Variants in CATSPERD observed in about 807,000 individuals in gnomAD.
The protein encoded by CATSPERD is cation channel sperm-associated auxiliary subunit delta.
In CATSPERD, 86 loss-of-function variants were observed where a neutral mutation model predicts 98.1. The observed-to-expected ratio is 0.88, with a 90% CI of 0.74 to 1.05. The LOEUF (loss-of-function observed/expected upper bound fraction) is 1.05. CATSPERD is among the 50% of genes least tolerant of loss of function. The pLI, the probability that CATSPERD is intolerant of heterozygous loss-of-function variation, is 0.00. For missense variants in CATSPERD, 995 were observed against 1,005.7 expected (o/e 0.99, Z 0.14); for synonymous variants, 394 against 390.2 (o/e 1.01, Z -0.12).
In CATSPERD at chr19:5,749,108, T is replaced by C. The variant is rs200979286; in HGVS notation, c.912T>C (p.Asn304=). The change falls in exon 11 of 22, where the codon AAT becomes AAC. Residue 304 remains asparagine (N), a synonymous_variant. Transcript: ENST00000381624. ...TTGTTTTGTTTTTCCCAGCTGAAAATGAACTGGCAGTTATAACTCGGGAGG... is the reference window on the plus strand; with the variant it reads ...TTGTTTTGTTTTTCCCAGCTGAAAACGAACTGGCAGTTATAACTCGGGAGG... ...ITIHNIAVTE[N]ELAVITREDN... 3.7e-4 allele frequency: 590 copies of C among 1,611,814 alleles called. No homozygotes were observed. The highest frequency in any genetic ancestry group is 4.7e-4 in the Non-Finnish European group (555 of 1,179,096).
intron 11 of CATSPERD, among the ~76,000 whole-genome samples, chr19:5,751,389 C>T (rs561677861): frequency 6.7e-5 from 10 of 149,110 alleles, no homozygotes; most frequent in South Asian, 6.4e-4. Context: ...AAAAATTAGC[C>T]GGGTGTGGTG....
chr19:5,724,697 C>T, intron 1 of CATSPERD, 111 bp from the exon 2 acceptor site: 4 of 1,077,852 alleles, frequency 3.7e-6, no homozygotes, highest in Non-Finnish European at 5.7e-6. Context: ...AGACTCCGTC[C>T]CCCCCAAAAA....
At chr19:5,755,347 T>C (rs1454783110) in intron 13 of CATSPERD, among the ~76,000 whole-genome samples, 1 of 152,158 alleles carries the variant, frequency 6.6e-6, no homozygotes, top group Non-Finnish European at 1.5e-5. Flanking sequence ...ATACTCAGAC[T>C]ATTGAGTATT....
At chr19:5,738,511 A>G (rs971744030) in intron 6 of CATSPERD, among the ~76,000 whole-genome samples, 12 of 152,130 alleles carry the variant, frequency 7.9e-5, no homozygotes, top group Non-Finnish European at 1.2e-4. Flanking sequence ...GGCTGGGGCA[A>G]TAGAGCCAGA....
chr19:5,721,860 G>A (rs1236077535), intron 1 of CATSPERD, among the ~76,000 whole-genome samples: 1 of 151,862 alleles, frequency 6.6e-6, no homozygotes, highest in East Asian at 1.9e-4. Context: ...TTGGTGGCAG[G>A]TGCCTGTAAT....
chr19:5,743,654 C>CTG (rs1568351979), intron 7 of CATSPERD, among the ~76,000 whole-genome samples: 1 of 145,226 alleles, frequency 6.9e-6, no homozygotes, highest in East Asian at 2.0e-4. Context: ...CTCTGTCTCT[C>CTG]TCTCTCTCTC....
chr19:5,760,393 G>A (rs1484816712), intron 15 of CATSPERD, among the ~76,000 whole-genome samples: 10 of 97,972 alleles, frequency 1.0e-4, no homozygotes, highest in Non-Finnish European at 2.6e-4. Context: ...AGCAAAACTC[G>A]TTCTCAAAAA....
chr19:5,749,371 A>T (rs1474709578), intron 11 of CATSPERD, among the ~76,000 whole-genome samples, 188 bp downstream of exon 11: 1 of 152,098 alleles, frequency 6.6e-6, no homozygotes, highest in East Asian at 1.9e-4. Flanking sequence ...GGGCACCTGT[A>T]ATTCCAGTTA....
rs1469568999 is a variant in CATSPERD at position 5,759,091 on chromosome 19, T to C, written c.1374T>C (p.Ile458=). 6.2e-7 allele frequency: 1 copy of C among 1,613,764 alleles called. No homozygotes were observed. The highest frequency in any genetic ancestry group is 2.2e-5 in the East Asian group (1 of 44,876). ...TTTCTCTCTTGACCCCACAGGATAT[T>C]TTCCTAAAACAGCAGCAGCACTGGG... ...SDGNTKYKLD[I]FLKQQQHWGR... is the part of the protein sequence containing the mutation. The change falls in exon 15 of 22, where the codon ATT becomes ATC. Residue 458 remains isoleucine, a synonymous_variant. Coordinates refer to ENST00000381624, the MANE Select transcript of CATSPERD (RefSeq NM_152784.4).
intron 18 of CATSPERD, among the ~76,000 whole-genome samples, chr19:5,770,687 G>A (rs1408817991): frequency 6.6e-6 from 1 of 152,022 alleles, no homozygotes; most frequent in East Asian, 1.9e-4. Context: ...AGGCTGAGGT[G>A]AGAGGATTGC....
In CATSPERD at chr19:5,737,160, T is replaced by A; in HGVS notation, c.414T>A (p.His138Gln). 1 of 1,608,072 alleles carries A rather than the reference T, an allele frequency of 6.2e-7. No individual in the cohort carries two copies. Among genetic ancestry groups the A allele is most frequent in the Non-Finnish European group, 8.5e-7 (1 of 1,174,572 alleles). ...MSLGIKHPVTHVSGDNCCYTG... is the reference protein window; with the variant it reads ...MSLGIKHPVTQVSGDNCCYTG... ...CAGGTATAAAACACCCTGTTACACA[T>A]GTCTCTGGTGATAATTGTTGTTATA... Residue 138 changes from histidine (H) to glutamine (Q), a missense_variant, in exon 6 of 22, where the codon CAT becomes CAA. Physicochemically the swap from His to Gln is conservative, Grantham distance 24. Around this residue, in one of 3 missense-constraint regions of CATSPERD, gnomAD observed 228 missense variants for 209.6 expected, o/e 1.09. Transcript: ENST00000381624.
At chr19:5,775,688 AGAGCAG>A (rs2056730341) in intron 20 of CATSPERD, among the ~76,000 whole-genome samples, 1 of 151,568 alleles carries the variant, frequency 6.6e-6, no homozygotes, top group Non-Finnish European at 1.5e-5. Context: ...AAAGAAAGAA[AGAGCAG>A]GGAGGAGCAG....
At position 5,768,345 on chromosome 19, in the gene CATSPERD, TTATTA is replaced by T; in HGVS notation, c.1634+105_1634+109del. The T allele has an allele frequency of 7.5e-6, 5 of 670,874 alleles. No individual in the cohort carries two copies. The African/African-American group carries it at 7.8e-5, about 10-fold the overall frequency. 41.6% of individuals were successfully genotyped at this position (670,874 alleles called of 1,614,324 possible). A position where few individuals can be genotyped will look rare whatever the true frequency, so the allele number is the denominator to read the frequency against. On this transcript the variant is annotated intron_variant, in intron 18 of 21. Transcript: ENST00000381624. ...TTTTATTTATTTATTTATTTATTTA[TTATTA>T]TTATTGAGATGGAGTCTCGCCTGTC...
At chr19:5,766,080 A>G in intron 16 of CATSPERD, 23 bp from the exon 17 acceptor site, 1 of 1,607,398 alleles carries the variant, frequency 6.2e-7, no homozygotes, top group Middle Eastern at 1.7e-4. Flanking sequence ...CTGGGTCCAT[A>G]TTTCTGTCTC....
At chr19:5,725,738 T>C (rs2055592298) in intron 2 of CATSPERD, among the ~76,000 whole-genome samples, 1 of 151,718 alleles carries the variant, frequency 6.6e-6, no homozygotes, top group South Asian at 2.1e-4. Flanking sequence ...CCGTCTCTAC[T>C]AGAAATACAG....
At chr19:5,768,088 C>A in intron 17 of CATSPERD, 80 bp from the exon 18 acceptor site, 2 of 1,322,548 alleles carry the variant, frequency 1.5e-6, no homozygotes, top group Non-Finnish European at 2.2e-6. Flanking sequence ...CACGCCCAGC[C>A]CCTCCCTTTC....
chr19:5,743,690 CT>C (rs2056039544), intron 7 of CATSPERD, among the ~76,000 whole-genome samples: 4 of 59,726 alleles, frequency 6.7e-5, no homozygotes, highest in Admixed American at 3.6e-4. Flanking sequence ...CTTCCTCTCT[CT>C]CTCTCTCTCT....
intron 5 of CATSPERD, 31 bp downstream of exon 5, chr19:5,734,001 TTGAG>T (rs2055789724): frequency 1.4e-6 from 2 of 1,386,990 alleles, no homozygotes. Flanking sequence ...TAAATTTTGT[TTGAG>T]TGTAGTCAAC....
chr19:5,746,044 G>A lies in CATSPERD; in HGVS notation c.789G>A (p.Leu263=), dbSNP rs1568353899. 1 of 1,614,018 alleles carries A rather than the reference G, an allele frequency of 6.2e-7. No homozygotes were observed. Among genetic ancestry groups the A allele is most frequent in the Non-Finnish European group, 8.5e-7 (1 of 1,180,030 alleles). ...GILLLWFENS[L]LFSHNAGQLV... is the part of the protein sequence containing the mutation. Reference sequence around the variant, plus strand: ...TGCTCCTATGGTTTGAGAACAGCCTGTTGTTTTCCCATAATGCAGGTGAGC... The same window carrying A: ...TGCTCCTATGGTTTGAGAACAGCCTATTGTTTTCCCATAATGCAGGTGAGC... The change falls in exon 9 of 22, where the codon CTG becomes CTA. Residue 263 remains leucine (L), a synonymous_variant. Transcript: ENST00000381624.
Sources: allele counts gnomAD v4.1 joint callset (sites outside exome capture counted in the v4.1 genomes callset), GRCh38; gene constraint gnomAD v4.1.1; regional missense constraint gnomAD v4.1.1; transcripts MANE v1.5; gene names NCBI Gene and HGNC (gene_info 2026-07-23, HGNC 2026-07-21).